Variants in MR1 observed in about 807,000 individuals in gnomAD.
The protein encoded by MR1 is major histocompatibility complex class I-related protein 1.
In MR1, 44 loss-of-function variants were observed where a neutral mutation model predicts 37.8. The ratio of observed to expected loss-of-function variants is 1.16; its 90% confidence interval spans 0.91 to 1.50. The LOEUF (loss-of-function observed/expected upper bound fraction) is 1.50. MR1 is among the 40% of genes most tolerant of loss of function. The probability of loss-of-function intolerance (pLI) is 0.00; values close to 1 mark genes in which losing one functional copy is unlikely to be tolerated. For synonymous variants in MR1, 153 were observed against 155.8 expected (o/e 0.98, Z 0.13); for missense variants, 386 against 419.1 (o/e 0.92, Z 0.69).
intron 4 of MR1, 122 bp downstream of exon 4, chr1:181,052,632 G>C: frequency 9.1e-7 from 1 of 1,094,620 alleles, no homozygotes; most frequent in Non-Finnish European, 1.3e-6. Flanking sequence ...CCTTAGAATG[G>C]GTCTTTTAAA....
intron 4 of MR1, among the ~76,000 whole-genome samples, chr1:181,053,268 G>C (rs1658425276): frequency 6.6e-6 from 1 of 151,948 alleles, no homozygotes; most frequent in Non-Finnish European, 1.5e-5. Flanking sequence ...TGTAGTCCCA[G>C]CTACTGAGGA....
intron 1 of MR1, among the ~76,000 whole-genome samples, chr1:181,043,466 T>C (rs1657677198): frequency 6.6e-6 from 1 of 152,206 alleles, no homozygotes; most frequent in Non-Finnish European, 1.5e-5. Context: ...CTCACATCTC[T>C]AATCCCAGCA....
chr1:181,052,622 C>T, intron 4 of MR1, 112 bp downstream of exon 4: 1 of 1,169,346 alleles, frequency 8.6e-7, no homozygotes. Context: ...ACTCAGTGTG[C>T]CTTAGAATGG....
chr1:181,059,099 A>C lies in MR1; in HGVS notation c.*3834A>C, dbSNP rs1434764637. 6.6e-6 allele frequency: 1 copy of C among 152,206 alleles called. No individual in the cohort carries two copies. Among genetic ancestry groups the C allele is most frequent in the African/African-American group, 2.4e-5 (1 of 41,460 alleles). 9.4% of individuals were successfully genotyped at this position (152,206 alleles called of 1,614,324 possible). On this transcript the variant is annotated 3_prime_UTR_variant, in exon 6 of 6. Coordinates refer to ENST00000367580, the MANE Select transcript of MR1 (RefSeq NM_001385161.1). The stretch of plus-strand genomic sequence containing the variant: ...CATAGCCATGTGCTGTGGGCAGCAG[A>C]GCTAGGAAGAAGCACAGGCATCTCC...
rs10158625 is a variant in MR1 at position 181,060,979 on chromosome 1, C to T, written c.*5714C>T. On this transcript the variant is annotated 3_prime_UTR_variant, in exon 6 of 6. Coordinates refer to ENST00000367580, the MANE Select transcript of MR1 (RefSeq NM_001385161.1). Reference sequence around the variant, plus strand: ...TGGAGACCCCTGCTGAGGGAGAAGCCCCAAACTGTGGCTTCAGGGGAATGC... The same window carrying T: ...TGGAGACCCCTGCTGAGGGAGAAGCTCCAAACTGTGGCTTCAGGGGAATGC... 95,165 of 152,060 alleles carry T rather than the reference C, an allele frequency of 0.63. 30,282 individuals carry two copies. Among genetic ancestry groups the T allele is most frequent in the East Asian group, 0.89 (4,592 of 5,170 alleles). 9.4% of individuals were successfully genotyped at this position (152,060 alleles called of 1,614,324 possible). A position where few individuals can be genotyped will look rare whatever the true frequency, so the allele number is the denominator to read the frequency against.
intron 1 of MR1, among the ~76,000 whole-genome samples, chr1:181,044,653 G>A (rs1037925956): frequency 6.6e-6 from 1 of 152,172 alleles, no homozygotes; most frequent in Non-Finnish European, 1.5e-5. Flanking sequence ...TCCCCACTCA[G>A]CTGACTCAGA....
intron 1 of MR1, 40 bp downstream of exon 1, chr1:181,034,114 C>T (rs764908169): frequency 1.1e-5 from 17 of 1,584,592 alleles, no homozygotes; most frequent in Admixed American, 5.5e-5. Flanking sequence ...ACTCCAAAGT[C>T]GAGGCAGCCT....
intron 1 of MR1, among the ~76,000 whole-genome samples, chr1:181,043,499 G>T (rs1031323014): frequency 5.9e-5 from 9 of 152,192 alleles, no homozygotes; most frequent in Non-Finnish European, 1.0e-4. Flanking sequence ...AAAGTGGGAG[G>T]ATCACTTAAG....
intron 3 of MR1, among the ~76,000 whole-genome samples, chr1:181,051,795 G>A (rs545275621): frequency 7.4e-4 from 112 of 152,226 alleles, no homozygotes; most frequent in Non-Finnish European, 1.1e-3. Flanking sequence ...CCAAAACTGA[G>A]TGGGGATGGC....
upstream of MR1, chr1:181,033,558 A>C (rs1657118684): frequency 6.5e-6 from 1 of 154,640 alleles, no homozygotes; most frequent in Non-Finnish European, 1.4e-5. Context: ...GACACCTGCT[A>C]TCTCAGACAG....
At position 181,052,303 on chromosome 1, in the gene MR1, C is replaced by A. The variant is rs1247110771; in HGVS notation, c.673C>A (p.His225Asn). 2 of 1,614,094 alleles carry A rather than the reference C, an allele frequency of 1.2e-6. No homozygotes were observed. Among genetic ancestry groups the A allele is most frequent in the Non-Finnish European group, 1.7e-6 (2 of 1,180,042 alleles). The change falls in exon 4 of 6, where the codon CAT becomes AAT. Residue 225 changes from histidine to asparagine, a missense_variant. By Grantham distance (68) the His-to-Asn change is moderately conservative. Transcript: ENST00000367580. ...PGVTALFCKA[H>N]GFYPPEIYMT... The stretch of plus-strand genomic sequence containing the variant: ...GGTTACAGCTCTCTTCTGCAAAGCT[C>A]ATGGCTTTTACCCCCCAGAAATTTA...
chr1:181,049,352 C>T, intron 2 of MR1, 40 bp downstream of exon 2: 1 of 1,584,676 alleles, frequency 6.3e-7, no homozygotes, highest in Non-Finnish European at 8.6e-7. Flanking sequence ...CCCATCCCAC[C>T]CCAACCCGCA....
chr1:181,034,202 T>C (rs1462462440), intron 1 of MR1, 128 bp downstream of exon 1: 5 of 745,606 alleles, frequency 6.7e-6, no homozygotes, highest in Admixed American at 6.9e-5. Context: ...TGTATTACAC[T>C]CAGACTCCAG....
In MR1 at chr1:181,050,252, C is replaced by T. The variant is rs370301224; in HGVS notation, c.570C>T (p.Phe190=). ...AATGTATTGCCTGGCTAAAGAGATT[C>T]CTGGAGTATGGGAAAGACACCCTAC... The part of the protein sequence containing the change: ...EEECIAWLKR[F]LEYGKDTLQR... Residue 190 remains phenylalanine (F), a synonymous_variant, in exon 3 of 6, where the codon TTC becomes TTT. Coordinates refer to ENST00000367580, the MANE Select transcript of MR1 (RefSeq NM_001385161.1). The T allele has an allele frequency of 1.9e-6, 3 of 1,614,086 alleles. No individual in the cohort carries two copies. In the Admixed American group the frequency reaches 5.0e-5, roughly 27 times the overall value.
rs747223200 is a variant in MR1, at chr1:181,061,729, A to G, written c.*6464A>G. ...TCAGTAAATACTTTTTGAATGAACT[A>G]GTATAGTATTTTAATTAGCTAGTCT... On this transcript the variant is annotated 3_prime_UTR_variant, in exon 6 of 6. Coordinates refer to ENST00000367580, the MANE Select transcript of MR1 (RefSeq NM_001385161.1). 1 of 152,240 alleles carries G rather than the reference A, an allele frequency of 6.6e-6. No individual in the cohort carries two copies. 9.4% of individuals were successfully genotyped at this position (152,240 alleles called of 1,614,324 possible).
chr1:181,051,694 G>T (rs1318693907), intron 3 of MR1, among the ~76,000 whole-genome samples: 2 of 152,140 alleles, frequency 1.3e-5, no homozygotes, highest in Non-Finnish European at 2.9e-5. Context: ...CAGTTTCTTC[G>T]AAGGCACAAC....
intron 1 of MR1, among the ~76,000 whole-genome samples, chr1:181,048,428 G>C (rs1010757076): frequency 6.6e-5 from 10 of 151,144 alleles, no homozygotes; most frequent in African/African-American, 2.4e-4. Flanking sequence ...TCAGCTACCT[G>C]GGAGGCTGGA....
chr1:181,045,396 A>G (rs988689856), intron 1 of MR1, among the ~76,000 whole-genome samples: 4 of 152,122 alleles, frequency 2.6e-5, no homozygotes, highest in African/African-American at 9.6e-5. Context: ...TCCACCTCCC[A>G]GGCATCGCCT....
chr1:181,050,400 C>T (rs1658244604), intron 3 of MR1, 114 bp downstream of exon 3: 1 of 1,384,300 alleles, frequency 7.2e-7, no homozygotes, highest in Non-Finnish European at 1.0e-6. Flanking sequence ...CTTTAGTTGG[C>T]CTATTGTGAT....
Sources: gnomAD v4.1 joint callset for allele counts (sites outside exome capture counted in the v4.1 genomes callset) on GRCh38, gnomAD v4.1.1 for gene constraint, MANE v1.5 for transcripts, NCBI Gene and HGNC (gene_info 2026-07-23, HGNC 2026-07-21) for gene names.